The following TMTC2 variants were observed in gnomAD, a reference collection of about 807,000 sequenced individuals.
The protein encoded by TMTC2 is protein O-mannosyl-transferase TMTC2.
A neutral mutation model predicts 82.4 loss-of-function variants in TMTC2; 43 were observed. The observed-to-expected ratio is 0.52, with a 90% CI of 0.41 to 0.67. The LOEUF is 0.67. Among genes scored for constraint, TMTC2 ranks in the 30% least tolerant of loss-of-function variants. The pLI, the probability that TMTC2 is intolerant of heterozygous loss-of-function variation, is 0.00. For missense variants in TMTC2, 919 were observed against 1,012.4 expected, an observed-to-expected ratio of 0.91 and a Z score of 1.25; for synonymous variants, 408 against 381.9, an observed-to-expected ratio of 1.07 and a Z score of -0.80.
chr12:83,079,328 T>G (rs2137501481), intron 11 of TMTC2, among the ~76,000 whole-genome samples: 1 of 152,266 alleles, frequency 6.6e-6, no homozygotes, highest in South Asian at 2.1e-4. Flanking sequence ...ATAAGGATTC[T>G]AATAAAACTC....
chr12:83,011,439 C>T (rs1880454335), intron 8 of TMTC2, among the ~76,000 whole-genome samples: 1 of 152,150 alleles, frequency 6.6e-6, no homozygotes, highest in South Asian at 2.1e-4. Flanking sequence ...GTCTGGTCAA[C>T]ATATTGTAAG....
chr12:83,002,045 A>G (rs1388805526), intron 8 of TMTC2, among the ~76,000 whole-genome samples: 1 of 152,206 alleles, frequency 6.6e-6, no homozygotes, highest in East Asian at 1.9e-4. Context: ...GGATAGATTC[A>G]GTAGGATTGG....
chr12:83,134,144 A>G lies in TMTC2; in HGVS notation c.*1755A>G, dbSNP rs921878363. ...AAAGCCCTTCTGTAATATATATATT[A>G]TTTTGTAAACATTTCACTGAAGGGC... On this transcript the variant is annotated 3_prime_UTR_variant, in exon 12 of 12. Coordinates refer to ENST00000321196, the MANE Select transcript of TMTC2 (RefSeq NM_152588.3). The G allele has an allele frequency of 5.2e-5, 8 of 152,588 alleles. No homozygotes were observed. Among genetic ancestry groups the G allele is most frequent in the African/African-American group, 1.7e-4 (7 of 41,438 alleles). The allele number at this position is 152,588 out of a possible 1,614,324, so 9.5% of individuals were successfully genotyped here.
intron 9 of TMTC2, among the ~76,000 whole-genome samples, chr12:83,035,491 T>C (rs1160412428): frequency 6.6e-6 from 1 of 152,210 alleles, no homozygotes; most frequent in East Asian, 1.9e-4. Flanking sequence ...CTCCGATTTC[T>C]TGTTGTTTGT....
intron 1 of TMTC2, among the ~76,000 whole-genome samples, chr12:82,719,085 A>ATATTTTTTT (rs1282211374): frequency 7.2e-5 from 3 of 41,418 alleles, no homozygotes; most frequent in African/African-American, 1.2e-4. Flanking sequence ...ATATATATAT[A>ATATTTTTTT]TTTTTTTTTT....
At chr12:82,709,082 A>ATTTT (rs34138059) in intron 1 of TMTC2, among the ~76,000 whole-genome samples, 2 of 141,754 alleles carry the variant, frequency 1.4e-5, no homozygotes, top group Non-Finnish European at 1.5e-5. Context: ...CTGTGATAGG[A>ATTTT]TTTTTTTTTT....
chr12:82,752,918 G>A (rs555155931), intron 1 of TMTC2, among the ~76,000 whole-genome samples: 1 of 152,108 alleles, frequency 6.6e-6, no homozygotes, highest in East Asian at 1.9e-4. Flanking sequence ...AACATCAGGT[G>A]TCACTGTCTT....
chr12:82,889,486 CT>C (rs907708899), intron 2 of TMTC2, among the ~76,000 whole-genome samples: 10 of 152,174 alleles, frequency 6.6e-5, no homozygotes, highest in African/African-American at 2.4e-4. Context: ...TTGAAGCCAT[CT>C]TTTCTGTTAT....
intron 1 of TMTC2, among the ~76,000 whole-genome samples, chr12:82,845,461 A>G (rs1592569212): frequency 6.6e-6 from 1 of 151,944 alleles, no homozygotes; most frequent in South Asian, 2.1e-4. Context: ...TGGTTCATGT[A>G]TAGTACCTGA....
At chr12:82,892,930 A>T (rs1025905846) in intron 2 of TMTC2, among the ~76,000 whole-genome samples, 3 of 152,194 alleles carry the variant, frequency 2.0e-5, no homozygotes, top group African/African-American at 4.8e-5. Context: ...ACAAGCTCTT[A>T]AGCATGGTTT....
At chr12:83,063,440 G>A (rs1214472458) in intron 11 of TMTC2, among the ~76,000 whole-genome samples, 1 of 151,838 alleles carries the variant, frequency 6.6e-6, no homozygotes, top group Middle Eastern at 3.2e-3. Context: ...ATAATCATAT[G>A]TTAAGAACAA....
intron 4 of TMTC2, among the ~76,000 whole-genome samples, chr12:82,938,133 C>T (rs1168478131): frequency 5.3e-5 from 8 of 151,612 alleles, no homozygotes; most frequent in Non-Finnish European, 1.0e-4. Flanking sequence ...AGGCTGGTCT[C>T]GAACTCCTGA....
chr12:82,971,477 C>A (rs1878443639), intron 7 of TMTC2, among the ~76,000 whole-genome samples: 1 of 151,810 alleles, frequency 6.6e-6, no homozygotes, highest in African/African-American at 2.4e-5. Context: ...GTTTCTTACT[C>A]CTATTATCTC....
chr12:82,703,600 G>A lies in TMTC2; in HGVS notation c.83+15931G>A, dbSNP rs557007801. ...TGCAAGCTCCACCTCCCGGGTTCAC[G>A]CCATTCTCCTGCCTCAGCCTCCCGA... On this transcript the variant is annotated intron_variant, in intron 1 of 11. Coordinates refer to ENST00000321196, the MANE Select transcript of TMTC2 (RefSeq NM_152588.3). 1.0e-3 allele frequency among the ~76,000 whole-genome samples: 153 copies of A among 150,536 alleles called. 1 individual carries two copies. The highest frequency in any genetic ancestry group is 1.9e-3 in the Non-Finnish European group (131 of 67,778).
At chr12:82,983,202 A>G (rs1205375429) in intron 7 of TMTC2, among the ~76,000 whole-genome samples, 1 of 152,012 alleles carries the variant, frequency 6.6e-6, no homozygotes, top group African/African-American at 2.4e-5. Flanking sequence ...TATTATTATC[A>G]TAGTCATCAT....
At chr12:82,786,624 G>A (rs1423813623) in intron 1 of TMTC2, among the ~76,000 whole-genome samples, 1 of 152,104 alleles carries the variant, frequency 6.6e-6, no homozygotes, top group East Asian at 1.9e-4. Flanking sequence ...AGTGTTAAAT[G>A]TTTACTTTTT....
At chr12:83,008,872 T>C (rs550261352) in intron 8 of TMTC2, among the ~76,000 whole-genome samples, 1 of 152,324 alleles carries the variant, frequency 6.6e-6, no homozygotes, top group South Asian at 2.1e-4. Flanking sequence ...TCTCTTGCCC[T>C]TAGGTTTCCC....
At chr12:83,067,101 C>T (rs896639149) in intron 11 of TMTC2, among the ~76,000 whole-genome samples, 4 of 151,796 alleles carry the variant, frequency 2.6e-5, no homozygotes, top group Middle Eastern at 3.2e-3. Context: ...ATAAGGAAGG[C>T]AGCCAAGACA....
chr12:83,067,288 G>C (rs925258474), intron 11 of TMTC2, among the ~76,000 whole-genome samples: 14 of 152,050 alleles, frequency 9.2e-5, no homozygotes, highest in African/African-American at 3.4e-4. Context: ...GAAGTGGGTG[G>C]TGTAAGACTT....
Sources: gnomAD v4.1 joint callset for allele counts (sites outside exome capture counted in the v4.1 genomes callset) on GRCh38, gnomAD v4.1.1 for gene constraint, MANE v1.5 for transcripts, NCBI Gene and HGNC (gene_info 2026-07-23, HGNC 2026-07-21) for gene names.